Variants in ABL2 observed in about 807,000 individuals in gnomAD.
The protein encoded by ABL2 is ABL proto-oncogene 2, non-receptor tyrosine kinase, also known as tyrosine-protein kinase ABL2.
Under a neutral mutation model 107.7 loss-of-function variants are expected in ABL2, and 49 were observed. The ratio of observed to expected loss-of-function variants is 0.45; its 90% CI spans 0.36 to 0.58. The LOEUF is 0.58. Among genes scored for constraint, ABL2 ranks in the 20% least tolerant of loss-of-function variants. The pLI, the probability that ABL2 is intolerant of heterozygous loss-of-function variation, is 0.00. For synonymous variants in ABL2, 549 were observed against 548.6 expected (o/e 1.00, Z -0.01); for missense variants, 1,245 against 1,457.0 (o/e 0.85, Z 2.37).
chr1:179,163,297 A>C (rs1659181148), intron 1 of ABL2, among the ~76,000 whole-genome samples: 1 of 152,250 alleles, frequency 6.6e-6, no homozygotes, highest in African/African-American at 2.4e-5. Context: ...AAAATGGTGT[A>C]GCCACTCTGG....
chr1:179,126,875 G>A lies in ABL2; in HGVS notation c.392-203C>T, dbSNP rs969474143. Among the ~76,000 whole-genome samples the A allele has an allele frequency of 1.3e-5, 2 of 151,704 alleles. No individual in the cohort carries two copies. The highest frequency in any genetic ancestry group is 4.8e-5 in the African/African-American group (2 of 41,246). On this transcript the variant is annotated intron_variant, in intron 3 of 11. Coordinates refer to ENST00000502732, the MANE Select transcript of ABL2 (RefSeq NM_007314.4). The surrounding 1 kb of genome is among the most constrained non-coding windows in gnomAD (Gnocchi z 4.4). ...CTCTTTAGCTTTTAGCTTAACCACA[G>A]AAGTATGGTCACAAATGGTTTTCTG...
chr1:179,215,149 G>T (rs955072735), intron 1 of ABL2, among the ~76,000 whole-genome samples: 4 of 150,046 alleles, frequency 2.7e-5, no homozygotes, highest in African/African-American at 4.9e-5. Flanking sequence ...AACAGAATAA[G>T]ACTCAGTCTC....
At chr1:179,131,246 GC>G in intron 3 of ABL2, 64 bp downstream of exon 3, 1 of 1,542,090 alleles carries the variant, frequency 6.5e-7, no homozygotes, top group Admixed American at 1.8e-5. Flanking sequence ...GCCTGGCCAG[GC>G]CCCTTTATCT....
chr1:179,150,518 A>C (rs1260170514), intron 1 of ABL2, among the ~76,000 whole-genome samples: 1 of 152,222 alleles, frequency 6.6e-6, no homozygotes, highest in Admixed American at 6.5e-5. Context: ...GTGGAGTCTG[A>C]AGATGTGACT....
chr1:179,191,018 TC>T (rs1571285047), intron 1 of ABL2, among the ~76,000 whole-genome samples: 2 of 151,970 alleles, frequency 1.3e-5, no homozygotes, highest in Non-Finnish European at 2.9e-5. Context: ...ACTTCCCACT[TC>T]CCCTTCTAAC....
At chr1:179,192,051 T>A (rs907486975) in intron 1 of ABL2, among the ~76,000 whole-genome samples, 5 of 152,232 alleles carry the variant, frequency 3.3e-5, no homozygotes. Context: ...GGTGACATTT[T>A]ACCATTCCCC....
At chr1:179,162,405 C>T (rs1310800272) in intron 1 of ABL2, among the ~76,000 whole-genome samples, 1 of 151,902 alleles carries the variant, frequency 6.6e-6, no homozygotes, top group Non-Finnish European at 1.5e-5. Context: ...GCCAATATGG[C>T]GAAACCCCTT....
intron 1 of ABL2, among the ~76,000 whole-genome samples, chr1:179,228,265 T>C (rs1663341328): frequency 2.0e-5 from 3 of 151,840 alleles, no homozygotes; most frequent in South Asian, 2.1e-4. Context: ...GAGAATCACT[T>C]GAACCCGGGA....
chr1:179,131,461 C>T lies in ABL2; in HGVS notation c.241G>A (p.Gly81Ser). 1 of 1,614,024 alleles carries T rather than the reference C, an allele frequency of 6.2e-7. No homozygotes were observed. ...AGTGCCTGGGGTTCAACATCACAAC[C>T]ATAGGGACGATGCAAAGCTTCTGAA... Reference protein sequence around the residue: ...SSPEALHRPYGCDVEPQALNE... With the variant: ...SSPEALHRPYSCDVEPQALNE... The change falls in exon 3 of 12, where the codon GGT becomes AGT. Residue 81 changes from glycine to serine, a missense_variant. Gly to Ser is a moderately conservative substitution (Grantham distance 56). Around this residue, in one of 3 missense-constraint regions of ABL2, gnomAD observed 164 missense variants for 143.7 expected, o/e 1.14. Transcript: ENST00000502732.
At chr1:179,212,092 G>A (rs1217432726) in intron 1 of ABL2, among the ~76,000 whole-genome samples, 1 of 152,128 alleles carries the variant, frequency 6.6e-6, no homozygotes, top group East Asian at 1.9e-4. Flanking sequence ...CTCTTCACAG[G>A]GCAGCAGGAG....
rs1663439403 is a variant in ABL2, at chr1:179,229,569, G to C, written c.-172C>G. On this transcript the variant is annotated 5_prime_UTR_variant, in exon 1 of 12. Transcript: ENST00000502732. ...CCGGCCTCCTCACGGCAGCCGCCGC[G>C]CTGCCTCCAGGCGACTCACAGATTC... 1 of 612,190 alleles carries C rather than the reference G, an allele frequency of 1.6e-6. No homozygotes were observed. Among genetic ancestry groups the C allele is most frequent in the Non-Finnish European group, 2.6e-6 (1 of 388,434 alleles). The allele number at this position is 612,190 out of a possible 1,614,324, so 37.9% of individuals were successfully genotyped here. A position where few individuals can be genotyped will look rare whatever the true frequency, so the allele number is the denominator to read the frequency against.
intron 1 of ABL2, among the ~76,000 whole-genome samples, chr1:179,166,792 A>G (rs1383184311): frequency 1.3e-5 from 2 of 151,716 alleles, no homozygotes; most frequent in Non-Finnish European, 1.5e-5. Flanking sequence ...AAAAAAAAAA[A>G]AAGAAAAAAT....
Position 179,117,475 on chromosome 1 carries a change from A to G in ABL2, c.1265T>C (p.Val422Ala). ...TAAGCCAAAGTCAGCCACTTTTACC[A>G]CATGGTTTTCTCCCACTAGGCAGTT... The part of the protein sequence containing the change: ...ARNCLVGENH[V>A]VKVADFGLSR... Residue 422 changes from valine to alanine, a missense_variant, in exon 8 of 12, where the codon GTG becomes GCG. Transcript: ENST00000502732. 1 of 1,614,194 alleles carries G rather than the reference A, an allele frequency of 6.2e-7. No homozygotes were observed. Among genetic ancestry groups the G allele is most frequent in the Admixed American group, 1.7e-5 (1 of 60,022 alleles).
intron 1 of ABL2, among the ~76,000 whole-genome samples, chr1:179,179,560 T>C (rs183138320): frequency 6.6e-6 from 1 of 151,982 alleles, no homozygotes; most frequent in East Asian, 1.9e-4. Flanking sequence ...AAGAACCTCA[T>C]GTACTAATAC....
Position 179,117,314 on chromosome 1 carries a change from A to T in ABL2, c.1408+18T>A, listed in dbSNP as rs752397636. The stretch of plus-strand genomic sequence containing the variant: ...AAAAAAATAAAATGACACAGAAAAA[A>T]GTCCCTTTCAACCTTACCCCAGACG... On this transcript the variant is annotated intron_variant, in intron 8 of 11. Transcript: ENST00000502732. 9.3e-6 allele frequency: 15 copies of T among 1,611,608 alleles called. No individual in the cohort carries two copies. In the African/African-American group the frequency reaches 2.0e-4, roughly 22 times the overall value.
chr1:179,115,613 G>A (rs553417774), intron 8 of ABL2, among the ~76,000 whole-genome samples: 24 of 152,074 alleles, frequency 1.6e-4, no homozygotes, highest in South Asian at 1.0e-3. Flanking sequence ...AAGACCTCTC[G>A]GTTATCAGAT....
chr1:179,185,243 G>A (rs913471625), intron 1 of ABL2, among the ~76,000 whole-genome samples: 6 of 152,044 alleles, frequency 3.9e-5, no homozygotes, highest in Admixed American at 1.3e-4. Context: ...TGGGTTAAGC[G>A]GGCATTTTGA....
At chr1:179,203,942 G>A (rs896833768) in intron 1 of ABL2, among the ~76,000 whole-genome samples, 4 of 152,234 alleles carry the variant, frequency 2.6e-5, no homozygotes, top group African/African-American at 4.8e-5. Context: ...TTTGTAAAAC[G>A]GAGATGATAA....
chr1:179,161,219 C>T (rs1382062379), intron 1 of ABL2, among the ~76,000 whole-genome samples: 1 of 151,970 alleles, frequency 6.6e-6, no homozygotes, highest in African/African-American at 2.4e-5. Flanking sequence ...TTTTATAATG[C>T]TAATTTTCAA....
Sources: allele counts gnomAD v4.1 joint callset (sites outside exome capture counted in the v4.1 genomes callset), GRCh38; gene constraint gnomAD v4.1.1; regional missense constraint gnomAD v4.1.1; non-coding constraint Gnocchi (gnomAD v3.1); transcripts MANE v1.5; gene names NCBI Gene and HGNC (gene_info 2026-07-23, HGNC 2026-07-21).